Variants in SLC16A7 observed in about 807,000 individuals in gnomAD.
SLC16A7 encodes solute carrier family 16 member 7, also known as monocarboxylate transporter 2.
In SLC16A7, 33 loss-of-function variants were observed where a neutral mutation model predicts 34.9. That is an observed-to-expected ratio of 0.94 (90% CI 0.72 to 1.26). SLC16A7 has a LOEUF of 1.26. Ranked by LOEUF, SLC16A7 falls within the 50% of genes most tolerant of loss-of-function variation. The pLI, the probability that SLC16A7 is intolerant of heterozygous loss-of-function variation, is 0.00. For missense variants in SLC16A7, 573 were observed against 578.1 expected (o/e 0.99, Z 0.09); for synonymous variants, 201 against 206.6 (o/e 0.97, Z 0.23).
At chr12:59,704,677 A>T in intron 2 of SLC16A7, 95 bp from the exon 3 acceptor site, 1 of 634,614 alleles carries the variant, frequency 1.6e-6, no homozygotes, top group Non-Finnish European at 2.7e-6. Context: ...ATCATATTGT[A>T]GTTTTAACTG....
chr12:59,718,533 G>T (rs1471796484), intron 3 of SLC16A7, among the ~76,000 whole-genome samples: 4 of 151,990 alleles, frequency 2.6e-5, no homozygotes, highest in Non-Finnish European at 5.9e-5. Flanking sequence ...AATGCCCATG[G>T]TTTATTTGTA....
At chr12:59,774,202 G>T (rs949727629) in intron 4 of SLC16A7, among the ~76,000 whole-genome samples, 3 of 152,110 alleles carry the variant, frequency 2.0e-5, no homozygotes, top group African/African-American at 7.2e-5. Flanking sequence ...GACCTTTTTA[G>T]TCTGTTTATA....
chr12:59,678,928 T>G (rs1421166235), intron 2 of SLC16A7, among the ~76,000 whole-genome samples: 2 of 152,150 alleles, frequency 1.3e-5, no homozygotes, highest in Non-Finnish European at 2.9e-5. Flanking sequence ...AGGTGACAGG[T>G]GGCTGGCATG....
rs138445138 is a variant in SLC16A7, at chr12:59,687,321, A to G, written c.-30-17451A>G. On this transcript the variant is annotated intron_variant, in intron 2 of 5. Transcript: ENST00000547379. ...CTGCTATTATGGCCTTATTGCTTCC[A>G]TAGTAACCTTCTAAATGTAGCTAAT... Among the ~76,000 whole-genome samples the G allele has an allele frequency of 4.8e-3, 725 of 152,086 alleles. 5 individuals are homozygous for G. In the Middle Eastern group the frequency reaches 0.058, roughly 12 times the overall value.
intron 3 of SLC16A7, chr12:59,768,217 C>T (rs559668570): frequency 2.2e-6 from 1 of 455,414 alleles, no homozygotes; most frequent in East Asian, 7.0e-5. Flanking sequence ...ACATCACGAT[C>T]ATTCACTGTT....
chr12:59,682,654 A>T (rs1346383106), intron 2 of SLC16A7, among the ~76,000 whole-genome samples: 1 of 152,162 alleles, frequency 6.6e-6, no homozygotes, highest in Admixed American at 6.6e-5. Context: ...GTGTGGAAGG[A>T]TAGGTGTGAT....
At position 59,782,738 on chromosome 12, in the gene SLC16A7, C is replaced by T. The variant is rs1048226554; in HGVS notation, c.*3059C>T. 2.6e-5 allele frequency: 4 copies of T among 152,146 alleles called. No individual in the cohort carries two copies. Among genetic ancestry groups the T allele is most frequent in the Admixed American group, 6.6e-5 (1 of 15,246 alleles). The allele number at this position is 152,146 out of a possible 1,614,324, so 9.4% of individuals were successfully genotyped here. ...AACATTGTGTTTGCACTTTTCCTGA[C>T]CTATCCTCACCCCCTTTCCTGATCC... On this transcript the variant is annotated 3_prime_UTR_variant, in exon 6 of 6. Transcript: ENST00000547379.
intron 2 of SLC16A7, among the ~76,000 whole-genome samples, chr12:59,665,810 G>A (rs889179476): frequency 1.8e-4 from 12 of 66,060 alleles, no homozygotes; most frequent in Non-Finnish European, 2.2e-4. Flanking sequence ...TATATAACAC[G>A]TGTGTGTGTG....
At chr12:59,741,584 A>G (rs193086637) in intron 3 of SLC16A7, among the ~76,000 whole-genome samples, 3 of 152,328 alleles carry the variant, frequency 2.0e-5, no homozygotes, top group Admixed American at 2.0e-4. Flanking sequence ...GCATGCTAAT[A>G]CAGTCACCGT....
Position 59,787,513 on chromosome 12 carries a change from T to C in SLC16A7, c.*7834T>C, listed in dbSNP as rs1487289623. 1 of 152,156 alleles carries C rather than the reference T, an allele frequency of 6.6e-6. No individual in the cohort carries two copies. Among genetic ancestry groups the C allele is most frequent in the African/African-American group, 2.4e-5 (1 of 41,446 alleles). The allele number at this position is 152,156 out of a possible 1,614,324, so 9.4% of individuals were successfully genotyped here. ...CAGTCTTTCTAAACTTTCTCCTTTA[T>C]TCCCATGTAGAGAACAAACAAAAAT... On this transcript the variant is annotated 3_prime_UTR_variant, in exon 6 of 6. Coordinates refer to ENST00000547379, the MANE Select transcript of SLC16A7 (RefSeq NM_001270623.2).
intron 3 of SLC16A7, among the ~76,000 whole-genome samples, chr12:59,740,715 A>G (rs970741295): frequency 6.6e-6 from 1 of 152,146 alleles, no homozygotes; most frequent in Non-Finnish European, 1.5e-5. Context: ...GGCCAGGGCA[A>G]TCAGGCAGGA....
intron 3 of SLC16A7, among the ~76,000 whole-genome samples, chr12:59,760,935 T>A (rs1183777744): frequency 1.3e-5 from 2 of 152,112 alleles, no homozygotes; most frequent in African/African-American, 4.8e-5. Flanking sequence ...AAGGAGCAGA[T>A]TGGTTAATCG....
intron 3 of SLC16A7, among the ~76,000 whole-genome samples, chr12:59,742,103 T>C (rs2137288559): frequency 6.6e-6 from 1 of 152,282 alleles, no homozygotes; most frequent in East Asian, 1.9e-4. Flanking sequence ...GGTGGGCTGC[T>C]CACATGCACA....
chr12:59,729,305 C>T (rs1775230773), intron 3 of SLC16A7, among the ~76,000 whole-genome samples: 1 of 151,902 alleles, frequency 6.6e-6, no homozygotes, highest in African/African-American at 2.4e-5. Flanking sequence ...TACCATGCTG[C>T]CCAGGTGGGC....
At chr12:59,692,425 A>G (rs7976838) in intron 2 of SLC16A7, among the ~76,000 whole-genome samples, 16,241 of 151,960 alleles carry the variant, frequency 0.11, 1,048 homozygotes, top group Middle Eastern at 0.18. Flanking sequence ...CCGTTTGAGT[A>G]TATCTTGTCC....
intron 3 of SLC16A7, chr12:59,768,939 A>C (rs1291318914): frequency 6.6e-6 from 1 of 152,350 alleles, no homozygotes; most frequent in Non-Finnish European, 1.5e-5. Flanking sequence ...TCAAGGCTTC[A>C]GTGAGCTATG....
At position 59,652,662 on chromosome 12, in the gene SLC16A7, C is replaced by CT. The variant is rs926658685; in HGVS notation, c.-129-2481dup. Among the ~76,000 whole-genome samples, 16 of 150,730 alleles carry CT rather than the reference C, an allele frequency of 1.1e-4. 1 individual carries two copies. Among genetic ancestry groups the CT allele is most frequent in the South Asian group, 2.1e-4 (1 of 4,756 alleles). On this transcript the variant is annotated intron_variant, in intron 1 of 5. Coordinates refer to ENST00000547379, the MANE Select transcript of SLC16A7 (RefSeq NM_001270623.2). ...TAGCCTTCCAAAGGCCTAGAGATTC[C>CT]TTTTTTTTTCTTTCCTGTTCCTTCT...
chr12:59,649,332 G>A (rs1432641938), intron 1 of SLC16A7, among the ~76,000 whole-genome samples: 4 of 152,184 alleles, frequency 2.6e-5, no homozygotes, highest in Admixed American at 2.6e-4. Context: ...GCGAGGGATT[G>A]CGAAAGAGGA....
chr12:59,683,008 G>A (rs1051173073), intron 2 of SLC16A7, among the ~76,000 whole-genome samples: 1 of 152,120 alleles, frequency 6.6e-6, no homozygotes, highest in Non-Finnish European at 1.5e-5. Flanking sequence ...GGAGGATGCG[G>A]TGAGCTGAGA....
Sources: gnomAD v4.1 joint callset for allele counts (sites outside exome capture counted in the v4.1 genomes callset) on GRCh38, gnomAD v4.1.1 for gene constraint, MANE v1.5 for transcripts, NCBI Gene and HGNC (gene_info 2026-07-23, HGNC 2026-07-21) for gene names.